PKP4: variants seen among roughly 807,000 people sequenced by gnomAD.
The protein encoded by PKP4 is plakophilin 4, also known as plakophilin-4.
PKP4 carries 90 observed loss-of-function variants against 145.1 expected under a neutral mutation model. That is an observed-to-expected ratio of 0.62 (90% CI 0.52 to 0.74). The LOEUF is 0.74. Among genes scored for constraint, PKP4 ranks in the 30% least tolerant of loss-of-function variants. The pLI, the probability that PKP4 is intolerant of heterozygous loss-of-function variation, is 0.00. For missense variants in PKP4, 1,340 were observed against 1,482.7 expected, an observed-to-expected ratio of 0.90 and a Z score of 1.58; for synonymous variants, 563 against 577.2, an observed-to-expected ratio of 0.98 and a Z score of 0.35.
chr2:158,658,613 G>T (rs552057170), intron 12 of PKP4: 1 of 258,024 alleles, frequency 3.9e-6, no homozygotes, highest in Non-Finnish European at 7.2e-6. Context: ...TCTGGTAATC[G>T]CATTCTGATT....
At chr2:158,632,947 T>C (rs1558923054) in intron 8 of PKP4, among the ~76,000 whole-genome samples, 1 of 152,206 alleles carries the variant, frequency 6.6e-6, no homozygotes, top group East Asian at 1.9e-4. Flanking sequence ...ATGTACACAG[T>C]TACTGGAGGG....
intron 3 of PKP4, among the ~76,000 whole-genome samples, chr2:158,597,986 A>ATTTTTT (rs11392229): frequency 6.7e-6 from 1 of 149,968 alleles, no homozygotes; most frequent in African/African-American, 2.5e-5. Flanking sequence ...ATGCCCGGCA[A>ATTTTTT]TTTTTTTTTT....
At chr2:158,542,297 T>G (rs1453044873) in intron 2 of PKP4, among the ~76,000 whole-genome samples, 1 of 152,218 alleles carries the variant, frequency 6.6e-6, no homozygotes, top group African/African-American at 2.4e-5. Context: ...TTTATTTCAG[T>G]TAGCAAAGAA....
intron 1 of PKP4, among the ~76,000 whole-genome samples, chr2:158,464,289 T>C (rs781621702): frequency 3.9e-5 from 6 of 152,318 alleles, no homozygotes; most frequent in African/African-American, 7.2e-5. Flanking sequence ...TCTCATAGAA[T>C]AGAGGGACTT....
intron 3 of PKP4, among the ~76,000 whole-genome samples, chr2:158,593,725 C>T (rs1193594772): frequency 6.6e-6 from 1 of 152,128 alleles, no homozygotes; most frequent in African/African-American, 2.4e-5. Flanking sequence ...TTATTTAAAT[C>T]TTAACTTTCC....
At chr2:158,628,953 A>G (rs1253354684) in intron 7 of PKP4, among the ~76,000 whole-genome samples, 14 of 152,130 alleles carry the variant, frequency 9.2e-5, no homozygotes, top group South Asian at 2.1e-4. Flanking sequence ...GGGTGTTACA[A>G]TAGCACCTCA....
intron 2 of PKP4, among the ~76,000 whole-genome samples, chr2:158,566,906 A>G (rs1373903242): frequency 6.6e-6 from 1 of 152,216 alleles, no homozygotes; most frequent in East Asian, 1.9e-4. Flanking sequence ...GTAAATGAAA[A>G]TAAATGCCAT....
chr2:158,551,056 A>C (rs748159125), intron 2 of PKP4, among the ~76,000 whole-genome samples: 2 of 152,224 alleles, frequency 1.3e-5, no homozygotes, highest in Non-Finnish European at 2.9e-5. Flanking sequence ...AAATACAGTT[A>C]CTTAGTTGTC....
rs533241244 is a variant in PKP4, at chr2:158,625,152, C to T, written c.878C>T (p.Ser293Phe). The T allele has an allele frequency of 6.2e-7, 1 of 1,614,170 alleles. No homozygotes were observed. The highest frequency in any genetic ancestry group is 1.7e-5 in the Admixed American group (1 of 60,036). ...TAIRRIGSVT[S>F]RQTSNPNGPT... ...ATACGGCGGATTGGGTCAGTCACCTCCCGGCAGACCTCCAATCCCAACGGA... is the reference window on the plus strand; with the variant it reads ...ATACGGCGGATTGGGTCAGTCACCTTCCGGCAGACCTCCAATCCCAACGGA... The change falls in exon 7 of 22, where the codon TCC (serine) becomes TTC (phenylalanine). Residue 293 changes from serine (S) to phenylalanine (F), a missense_variant. Physicochemically the swap from Ser to Phe is radical, Grantham distance 155 (BLOSUM62 -2). Coordinates refer to ENST00000389759, the MANE Select transcript of PKP4 (RefSeq NM_003628.6).
At chr2:158,605,566 TTTTG>T (rs1321810415) in intron 4 of PKP4, among the ~76,000 whole-genome samples, 8 of 152,324 alleles carry the variant, frequency 5.3e-5, no homozygotes, top group African/African-American at 1.4e-4. Context: ...GAACTTAATT[TTTTG>T]TTTGTTTCTC....
At chr2:158,549,793 G>A (rs543526070) in intron 2 of PKP4, among the ~76,000 whole-genome samples, 9 of 152,144 alleles carry the variant, frequency 5.9e-5, no homozygotes, top group Admixed American at 3.9e-4. Context: ...ATTTAATTCC[G>A]ATGATTTTAT....
At chr2:158,648,201 C>T (rs1326701278) in intron 11 of PKP4, among the ~76,000 whole-genome samples, 1 of 152,178 alleles carries the variant, frequency 6.6e-6, no homozygotes, top group Non-Finnish European at 1.5e-5. Context: ...GATTATTCAT[C>T]CATATAGCTA....
At chr2:158,676,671 T>G in intron 19 of PKP4, 68 bp from the exon 20 acceptor site, 1 of 1,583,144 alleles carries the variant, frequency 6.3e-7, no homozygotes, top group Non-Finnish European at 8.7e-7. Context: ...GGAGAGGATT[T>G]TCCACAGATA....
intron 1 of PKP4, among the ~76,000 whole-genome samples, chr2:158,495,414 A>G (rs1695549841): frequency 6.6e-6 from 1 of 151,862 alleles, no homozygotes; most frequent in Admixed American, 6.6e-5. Flanking sequence ...AATGTGCTAT[A>G]TAAGGAAATA....
chr2:158,484,840 A>G (rs764751077), intron 1 of PKP4, among the ~76,000 whole-genome samples: 3 of 152,210 alleles, frequency 2.0e-5, no homozygotes, highest in Non-Finnish European at 2.9e-5. Context: ...AGTGGGGTGC[A>G]AGCACAGCCC....
At chr2:158,575,176 G>T (rs1334958661) in intron 2 of PKP4, among the ~76,000 whole-genome samples, 1 of 152,210 alleles carries the variant, frequency 6.6e-6, no homozygotes, top group African/African-American at 2.4e-5. Context: ...ACACAGAATT[G>T]TGTATGGAGG....
intron 11 of PKP4, among the ~76,000 whole-genome samples, chr2:158,648,969 G>T (rs2055088925): frequency 6.6e-6 from 1 of 152,230 alleles, no homozygotes; most frequent in South Asian, 2.1e-4. Flanking sequence ...CTGCACTCCA[G>T]CCTGGGCGAC....
chr2:158,493,091 G>T (rs1326232740), intron 1 of PKP4, among the ~76,000 whole-genome samples: 1 of 151,804 alleles, frequency 6.6e-6, no homozygotes, highest in Non-Finnish European at 1.5e-5. Context: ...TATACTTTCA[G>T]TTACTTTGTC....
chr2:158,584,187 T>G (rs2048598133), intron 3 of PKP4, among the ~76,000 whole-genome samples: 2 of 152,192 alleles, frequency 1.3e-5, no homozygotes, highest in South Asian at 4.1e-4. Context: ...TGCTGTATGG[T>G]TCTGCCTGGG....
Sources: gnomAD v4.1 joint callset for allele counts (sites outside exome capture counted in the v4.1 genomes callset) on GRCh38, gnomAD v4.1.1 for gene constraint, MANE v1.5 for transcripts, NCBI Gene and HGNC (gene_info 2026-07-23, HGNC 2026-07-21) for gene names.